The following STT3B variants were observed in gnomAD, a reference collection of about 807,000 sequenced individuals.
The protein encoded by STT3B is dolichyl-diphosphooligosaccharide--protein glycosyltransferase subunit STT3B.
STT3B carries 29 observed loss-of-function variants against 96.8 expected under a neutral mutation model. The observed-to-expected ratio is 0.30, with a 90% CI of 0.22 to 0.41. STT3B has a LOEUF of 0.41. Ranked by LOEUF, STT3B falls within the 10% of genes least tolerant of loss-of-function variation. The probability of loss-of-function intolerance (pLI) is 1.00; values close to 1 mark genes in which losing one functional copy is unlikely to be tolerated. For synonymous variants in STT3B, 367 were observed against 360.0 expected (o/e 1.02, Z -0.22); for missense variants, 640 against 1,022.3 (o/e 0.63, Z 5.10).
intron 9 of STT3B, among the ~76,000 whole-genome samples, chr3:31,620,875 C>T (rs1229848006): frequency 6.6e-6 from 1 of 152,024 alleles, no homozygotes; most frequent in South Asian, 2.1e-4. Context: ...TGTAGGGGTT[C>T]AGTTTAAAGG....
chr3:31,533,846 G>T (rs1437958236), intron 1 of STT3B, among the ~76,000 whole-genome samples: 1 of 152,194 alleles, frequency 6.6e-6, no homozygotes, highest in African/African-American at 2.4e-5. Context: ...CCGGAACCCC[G>T]GCTGCTCACC....
intron 1 of STT3B, among the ~76,000 whole-genome samples, chr3:31,548,321 C>G (rs559720017): frequency 5.3e-5 from 8 of 151,006 alleles, no homozygotes; most frequent in Non-Finnish European, 1.0e-4. Context: ...GGAAAATGAG[C>G]CATTTAAAAC....
At chr3:31,563,087 G>A (rs1217118573) in intron 1 of STT3B, among the ~76,000 whole-genome samples, 2 of 152,132 alleles carry the variant, frequency 1.3e-5, no homozygotes, top group East Asian at 3.9e-4. Context: ...GATCCCAGCC[G>A]AACAGGCTTG....
At chr3:31,630,013 T>C (rs1171248892) in intron 14 of STT3B, among the ~76,000 whole-genome samples, 1 of 152,208 alleles carries the variant, frequency 6.6e-6, no homozygotes, top group Non-Finnish European at 1.5e-5. Flanking sequence ...TTCTGTCAAG[T>C]CATGTAACTC....
chr3:31,602,660 A>ATTTT (rs11316900), intron 5 of STT3B, among the ~76,000 whole-genome samples: 6 of 125,094 alleles, frequency 4.8e-5, no homozygotes, highest in African/African-American at 9.4e-5. Context: ...GGTAGCTGGG[A>ATTTT]TTTTTTTTTT....
At chr3:31,604,507 A>G (rs539124602) in intron 5 of STT3B, among the ~76,000 whole-genome samples, 3 of 152,292 alleles carry the variant, frequency 2.0e-5, no homozygotes, top group African/African-American at 4.8e-5. Context: ...GTCTAATTCT[A>G]CCATACTACT....
In STT3B at chr3:31,637,146, A is replaced by G. The variant is rs1275132825; in HGVS notation, c.*1082A>G. 2 of 152,220 alleles carry G rather than the reference A, an allele frequency of 1.3e-5. No individual in the cohort carries two copies. The highest frequency in any genetic ancestry group is 2.9e-5 in the Non-Finnish European group (2 of 68,036). The allele number at this position is 152,220 out of a possible 1,614,324, so 9.4% of individuals were successfully genotyped here. A position where few individuals can be genotyped will look rare whatever the true frequency, so the allele number is the denominator to read the frequency against. On this transcript the variant is annotated 3_prime_UTR_variant, in exon 16 of 16. Transcript: ENST00000295770. The stretch of plus-strand genomic sequence containing the variant: ...GTTGTCAAAAAATGCACTAAAATGT[A>G]AATGGAGATTGAACAAGTTCACTTT...
chr3:31,557,703 G>T (rs1049838271), intron 1 of STT3B, among the ~76,000 whole-genome samples: 3 of 152,120 alleles, frequency 2.0e-5, no homozygotes, highest in Admixed American at 2.0e-4. Flanking sequence ...CGCAGTCTCG[G>T]CTCACTGCAA....
chr3:31,592,277 G>C (rs1431583936), intron 3 of STT3B, among the ~76,000 whole-genome samples: 1 of 152,128 alleles, frequency 6.6e-6, no homozygotes, highest in Non-Finnish European at 1.5e-5. Context: ...CCATGTTGTA[G>C]CATGTCAGGA....
In STT3B at chr3:31,636,604, A is replaced by G. The variant is rs1310354166; in HGVS notation, c.*540A>G. On this transcript the variant is annotated 3_prime_UTR_variant, in exon 16 of 16. Coordinates refer to ENST00000295770, the MANE Select transcript of STT3B (RefSeq NM_178862.3). ...TCTCTAATGCAAAGAATGTTTCATC[A>G]AATGTATATTTTCTGTTGCTTACTG... 1 of 152,226 alleles carries G rather than the reference A, an allele frequency of 6.6e-6. No individual in the cohort carries two copies. Among genetic ancestry groups the G allele is most frequent in the African/African-American group, 2.4e-5 (1 of 41,460 alleles). 9.4% of individuals were successfully genotyped at this position (152,226 alleles called of 1,614,324 possible). A position where few individuals can be genotyped will look rare whatever the true frequency, so the allele number is the denominator to read the frequency against.
At chr3:31,599,655 A>G (rs1337303192) in intron 4 of STT3B, among the ~76,000 whole-genome samples, 8 of 152,236 alleles carry the variant, frequency 5.3e-5, no homozygotes, top group Non-Finnish European at 1.5e-5. Context: ...TGATATTGAC[A>G]GGAGCTTATT....
At position 31,572,053 on chromosome 3, in the gene STT3B, CATATATTA is replaced by C. The variant is rs1559370350; in HGVS notation, c.315-4333_315-4326del. ...ATTAATATATGATATATTAATATAT[CATATATTA>C]ATATATTAAATATATTAATATATAA... On this transcript the variant is annotated intron_variant, in intron 1 of 15. Coordinates refer to ENST00000295770, the MANE Select transcript of STT3B (RefSeq NM_178862.3). Among the ~76,000 whole-genome samples, 128 of 82,644 alleles carry C rather than the reference CATATATTA, an allele frequency of 1.5e-3. No individual in the cohort carries two copies. In the East Asian group the frequency reaches 0.038, roughly 25 times the overall value. 54.2% of individuals were successfully genotyped at this position (82,644 alleles called of 152,430 possible).
At chr3:31,541,667 C>T (rs1427778557) in intron 1 of STT3B, among the ~76,000 whole-genome samples, 1 of 152,082 alleles carries the variant, frequency 6.6e-6, no homozygotes, top group African/African-American at 2.4e-5. Flanking sequence ...AGCTCCACCT[C>T]TTGGGTTCAT....
intron 1 of STT3B, among the ~76,000 whole-genome samples, chr3:31,576,137 CCT>C (rs1258233051): frequency 2.0e-5 from 3 of 151,754 alleles, no homozygotes; most frequent in Non-Finnish European, 4.4e-5. Flanking sequence ...TCTTTATAGC[CCT>C]CTACCACCTG....
intron 4 of STT3B, 35 bp downstream of exon 4, chr3:31,596,898 G>A: frequency 2.0e-6 from 3 of 1,468,598 alleles, no homozygotes; most frequent in Middle Eastern, 1.7e-4. Flanking sequence ...ATGAAGTCTA[G>A]TAGGTCTCTG....
chr3:31,602,639 C>T (rs1231017225), intron 5 of STT3B, among the ~76,000 whole-genome samples: 1 of 149,652 alleles, frequency 6.7e-6, no homozygotes. Context: ...TTGAGAAAGG[C>T]CTTTGTATTT....
At chr3:31,611,451 TA>T (rs1312582755) in intron 5 of STT3B, among the ~76,000 whole-genome samples, 1 of 152,220 alleles carries the variant, frequency 6.6e-6, no homozygotes, top group Non-Finnish European at 1.5e-5. Flanking sequence ...GATGCTGTAG[TA>T]CAAAGTCTGG....
intron 1 of STT3B, among the ~76,000 whole-genome samples, chr3:31,547,393 C>G (rs918719419): frequency 6.6e-6 from 1 of 152,152 alleles, no homozygotes; most frequent in Non-Finnish European, 1.5e-5. Context: ...TGCGGTGGCT[C>G]ACACCTGTCA....
chr3:31,618,830 AT>A (rs1171665100), intron 8 of STT3B, among the ~76,000 whole-genome samples: 8 of 152,088 alleles, frequency 5.3e-5, no homozygotes, highest in African/African-American at 1.7e-4. Context: ...TGTTATTCTG[AT>A]TAGGTTAAAT....
Sources: allele counts gnomAD v4.1 joint callset (sites outside exome capture counted in the v4.1 genomes callset), GRCh38; gene constraint gnomAD v4.1.1; transcripts MANE v1.5; gene names NCBI Gene and HGNC (gene_info 2026-07-23, HGNC 2026-07-21).